CHLSN: variants seen among roughly 807,000 people sequenced by gnomAD.
CHLSN encodes the protein protein cholesin.
chr7:1,093,430 T>C, the CHLSN span: 1 of 463,128 alleles, frequency 2.2e-6, no homozygotes, highest in Non-Finnish European at 4.5e-6. Context: ...CGCCTGAGCG[T>C]CCTCCATCTT....
the CHLSN span, among the ~76,000 whole-genome samples, chr7:1,070,724 ACACATGCACG>A: frequency 6.7e-6 from 1 of 149,938 alleles, no homozygotes; most frequent in Non-Finnish European, 1.5e-5. Flanking sequence ...GCACACGCGC[ACACATGCACG>A]CACATATGCA....
At chr7:1,114,076 G>A in the CHLSN span, among the ~76,000 whole-genome samples, 9 of 152,328 alleles carry the variant, frequency 5.9e-5, no homozygotes, top group Admixed American at 2.6e-4. Context: ...GCAGTGCAGC[G>A]GTGCCCATGG....
chr7:1,071,151 G>A, the CHLSN span, among the ~76,000 whole-genome samples: 540 of 152,334 alleles, frequency 3.5e-3, 4 homozygotes, highest in Non-Finnish European at 6.3e-3. Flanking sequence ...CCCCGCACGC[G>A]GCTGTTCAAG....
the CHLSN span, among the ~76,000 whole-genome samples, chr7:1,120,153 T>C: frequency 1.3e-5 from 2 of 152,144 alleles, no homozygotes; most frequent in Non-Finnish European, 2.9e-5. Context: ...CCAAAAATTA[T>C]ACCTCAATAA....
the CHLSN span, among the ~76,000 whole-genome samples, chr7:1,124,532 G>C: frequency 7.2e-6 from 1 of 137,938 alleles, no homozygotes; most frequent in East Asian, 2.3e-4. Context: ...ACCTCAGGCT[G>C]TGAAGAAGGA....
the CHLSN span, among the ~76,000 whole-genome samples, chr7:978,748 C>T: frequency 2.6e-5 from 4 of 152,232 alleles, no homozygotes; most frequent in South Asian, 4.1e-4. Flanking sequence ...CTGAAGCTTA[C>T]GTGGCCGTGT....
the CHLSN span, among the ~76,000 whole-genome samples, chr7:1,120,389 T>C: frequency 6.6e-6 from 1 of 152,182 alleles, no homozygotes; most frequent in Admixed American, 6.5e-5. Context: ...CACTGCAGCC[T>C]CCGGTGATTC....
the CHLSN span, chr7:1,057,523 G>A: frequency 5.2e-6 from 4 of 769,444 alleles, no homozygotes; most frequent in Admixed American, 1.7e-5. Flanking sequence ...GCCATGTGGA[G>A]CTGCAGCTGG....
At chr7:1,123,393 A>G in the CHLSN span, among the ~76,000 whole-genome samples, 1 of 152,206 alleles carries the variant, frequency 6.6e-6, no homozygotes, top group Non-Finnish European at 1.5e-5. The surrounding 1 kb of genome is among the most constrained non-coding windows in gnomAD (Gnocchi z 4.4). Flanking sequence ...TGCTGGGAGG[A>G]CAACACAATG....
the CHLSN span, among the ~76,000 whole-genome samples, chr7:1,073,782 C>A: frequency 8.4e-6 from 1 of 118,530 alleles, no homozygotes; most frequent in Non-Finnish European, 1.8e-5. Context: ...CACGACCCCC[C>A]ACCCCGCTGC....
At chr7:1,040,707 A>T in the CHLSN span, among the ~76,000 whole-genome samples, 1 of 150,034 alleles carries the variant, frequency 6.7e-6, no homozygotes, top group Admixed American at 6.6e-5. Context: ...AAAAAAAAGG[A>T]TAAATTAGAC....
At chr7:1,111,122 T>C in the CHLSN span, among the ~76,000 whole-genome samples, 4 of 152,250 alleles carry the variant, frequency 2.6e-5, no homozygotes, top group African/African-American at 9.6e-5. Context: ...AATGTCTGGC[T>C]TGGTGCTTTG....
the CHLSN span, among the ~76,000 whole-genome samples, chr7:1,053,840 C>G: frequency 2.2e-4 from 34 of 152,168 alleles, no homozygotes; most frequent in African/African-American, 8.2e-4. Flanking sequence ...AAAACAAAAA[C>G]AAAACCAAAA....
chr7:1,079,692 G>A, the CHLSN span, among the ~76,000 whole-genome samples: 5 of 152,162 alleles, frequency 3.3e-5, no homozygotes, highest in East Asian at 1.9e-4. Flanking sequence ...AGGCCCTGGC[G>A]GGGGCTGGGA....
the CHLSN span, among the ~76,000 whole-genome samples, chr7:1,054,008 C>A: frequency 6.6e-6 from 1 of 152,186 alleles, no homozygotes; most frequent in Non-Finnish European, 1.5e-5. Flanking sequence ...CCAGGCGTGG[C>A]CGAGGAAGGG....
the CHLSN span, chr7:1,009,976 G>C: frequency 9.7e-5 from 153 of 1,575,002 alleles, 1 homozygote; most frequent in Middle Eastern, 1.5e-3. Flanking sequence ...GGGCCAGTTC[G>C]GCCCCCGAGC....
the CHLSN span, among the ~76,000 whole-genome samples, chr7:1,019,105 C>T: frequency 6.8e-6 from 1 of 148,032 alleles, no homozygotes; most frequent in South Asian, 2.1e-4. Flanking sequence ...TGCGGCAGAA[C>T]TGCTTGAACC....
At chr7:1,063,193 C>A in the CHLSN span, among the ~76,000 whole-genome samples, 1 of 151,952 alleles carries the variant, frequency 6.6e-6, no homozygotes, top group African/African-American at 2.4e-5. Flanking sequence ...TGCCAGCTGA[C>A]CCCGGCCACA....
the CHLSN span, among the ~76,000 whole-genome samples, chr7:1,041,419 G>T: frequency 3.4e-3 from 504 of 148,222 alleles, 33 homozygotes; most frequent in Non-Finnish European, 2.3e-3. Flanking sequence ...AACGGGACCT[G>T]GGGTCCGCGC....
Sources: gnomAD v4.1 joint callset for allele counts (sites outside exome capture counted in the v4.1 genomes callset) on GRCh38, gnomAD v4.1.1 for gene constraint, Gnocchi (gnomAD v3.1) non-coding constraint, MANE v1.5 for transcripts, NCBI Gene and HGNC (gene_info 2026-07-23, HGNC 2026-07-21) for gene names.